The following TENM4 variants were observed in gnomAD, a reference collection of about 807,000 sequenced individuals.
TENM4 encodes teneurin-4.
A neutral mutation model predicts 243.3 loss-of-function variants in TENM4; 82 were observed. That is an observed-to-expected ratio of 0.34 (90% CI 0.28 to 0.40). TENM4 has a LOEUF of 0.40. Among genes scored for constraint, TENM4 ranks in the 10% least tolerant of loss-of-function variants. TENM4 has a pLI of 1.00. For synonymous variants in TENM4, 1,412 were observed against 1,456.3 expected (o/e 0.97, Z 0.69); for missense variants, 3,138 against 3,673.3 (o/e 0.85, Z 3.77).
intron 6 of TENM4, among the ~76,000 whole-genome samples, chr11:79,054,608 C>A (rs1454121773): frequency 6.6e-6 from 1 of 151,842 alleles, no homozygotes; most frequent in Non-Finnish European, 1.5e-5. Context: ...CTACCTCAGT[C>A]TTCTGAGTAT....
In TENM4 at chr11:78,669,854, T is replaced by C. The variant is rs1017258778; in HGVS notation, c.6491A>G (p.Tyr2164Cys). The C allele has an allele frequency of 6.2e-7, 1 of 1,613,826 alleles. No homozygotes were observed. Among genetic ancestry groups the C allele is most frequent in the Admixed American group, 1.7e-5 (1 of 60,004 alleles). The change falls in exon 32 of 34, where the codon TAC becomes TGC. Residue 2164 changes from tyrosine (Y) to cysteine (C), a missense_variant. Tyr to Cys is a radical substitution (Grantham distance 194). Transcript: ENST00000278550. The surrounding 1 kb of genome is among the most constrained non-coding windows in gnomAD (Gnocchi z 6.4). ...VQYEIFRSLMYWMTVQYDNMG... is the reference protein window; with the variant it reads ...VQYEIFRSLMCWMTVQYDNMG... ...GTTATCATACTGGACGGTCATCCAG[T>C]ACATGAGCGAGCGGAAGATCTCATA... is the stretch of plus-strand genomic sequence containing the variant.
At chr11:79,122,213 A>C (rs1251390840) in intron 4 of TENM4, among the ~76,000 whole-genome samples, 2 of 152,172 alleles carry the variant, frequency 1.3e-5, no homozygotes, top group Non-Finnish European at 2.9e-5. Flanking sequence ...ATGTTAATTA[A>C]TAAAAATAAT....
At position 78,738,408 on chromosome 11, in the gene TENM4, G is replaced by C. The variant is rs565566264; in HGVS notation, c.2876+43C>G. The C allele has an allele frequency of 2.1e-4, 341 of 1,593,580 alleles. 6 individuals carry two copies. The South Asian group carries it at 3.8e-3, about 18-fold the overall frequency. Reference sequence around the variant, plus strand: ...CAGCAGCTATATGGCAAGACCACAAGAGCGGGACCTTCACTGTTTCTGGCT... The same window carrying C: ...CAGCAGCTATATGGCAAGACCACAACAGCGGGACCTTCACTGTTTCTGGCT... On this transcript the variant is annotated intron_variant, in intron 20 of 33. Transcript: ENST00000278550.
intron 4 of TENM4, among the ~76,000 whole-genome samples, chr11:79,139,959 C>G (rs893197964): frequency 6.6e-5 from 10 of 150,760 alleles, no homozygotes; most frequent in African/African-American, 2.4e-4. Context: ...TTCCTTATGT[C>G]CGCTTACATC....
At chr11:79,299,006 T>A (rs1276457633) in intron 1 of TENM4, among the ~76,000 whole-genome samples, 2 of 152,178 alleles carry the variant, frequency 1.3e-5, no homozygotes, top group African/African-American at 2.4e-5. Flanking sequence ...TAAAGGAATT[T>A]GTCATTAAAA....
chr11:78,935,077 T>TCTCGGCTCACTG (rs1403838786), intron 6 of TENM4, among the ~76,000 whole-genome samples: 1 of 129,982 alleles, frequency 7.7e-6, no homozygotes, highest in East Asian at 2.7e-4. Context: ...AGTGGCGCAA[T>TCTCGGCTCACTG]CTCGGCTCAC....
At chr11:79,031,266 T>C (rs767658894) in intron 6 of TENM4, among the ~76,000 whole-genome samples, 1 of 152,178 alleles carries the variant, frequency 6.6e-6, no homozygotes, top group Admixed American at 6.5e-5. Context: ...ACAGATAATG[T>C]ATTTGGGGCA....
At chr11:78,825,321 A>G (rs1204564253) in intron 12 of TENM4, among the ~76,000 whole-genome samples, 1 of 152,206 alleles carries the variant, frequency 6.6e-6, no homozygotes, top group Non-Finnish European at 1.5e-5. Flanking sequence ...ACCACCATAT[A>G]TATGCACCTG....
chr11:79,357,294 C>G (rs749827758), intron 1 of TENM4, among the ~76,000 whole-genome samples: 2 of 152,202 alleles, frequency 1.3e-5, no homozygotes, highest in African/African-American at 2.4e-5. Context: ...CCCAAAGATG[C>G]CTGTGTTGCA....
chr11:78,956,298 T>A (rs1363595671), intron 6 of TENM4, among the ~76,000 whole-genome samples: 1 of 150,772 alleles, frequency 6.6e-6, no homozygotes, highest in Non-Finnish European at 1.5e-5. Flanking sequence ...TAGGGAGGAG[T>A]GAGTACAGAA....
chr11:79,005,650 C>A (rs962883013), intron 6 of TENM4, among the ~76,000 whole-genome samples: 1 of 152,060 alleles, frequency 6.6e-6, no homozygotes, highest in Admixed American at 6.6e-5. Flanking sequence ...ACTGAATGGG[C>A]AAAAACTTGA....
chr11:78,926,409 G>C (rs1209365257), intron 6 of TENM4, among the ~76,000 whole-genome samples: 4 of 151,892 alleles, frequency 2.6e-5, no homozygotes, highest in Non-Finnish European at 4.4e-5. Context: ...AAGTAGCTGG[G>C]ATTACAAGTG....
chr11:78,987,378 T>C (rs1857942942), intron 6 of TENM4, among the ~76,000 whole-genome samples: 1 of 152,236 alleles, frequency 6.6e-6, no homozygotes, highest in Admixed American at 6.5e-5. Flanking sequence ...GATTCATTCA[T>C]GTTGAGTGAA....
chr11:78,792,586 C>A (rs978651702), intron 15 of TENM4, among the ~76,000 whole-genome samples: 9 of 152,276 alleles, frequency 5.9e-5, no homozygotes, highest in African/African-American at 2.2e-4. Flanking sequence ...TGGAAGCCCA[C>A]CTGATGGGAA....
chr11:79,154,499 A>G (rs1293684378), intron 3 of TENM4, among the ~76,000 whole-genome samples: 1 of 152,172 alleles, frequency 6.6e-6, no homozygotes. Context: ...CATCCAAACC[A>G]TACCACTCTT....
chr11:79,317,791 A>C (rs1012517192), intron 1 of TENM4, among the ~76,000 whole-genome samples: 3 of 151,930 alleles, frequency 2.0e-5, no homozygotes, highest in African/African-American at 7.3e-5. Context: ...CCTCTTTCCT[A>C]TGGGCTTCTG....
chr11:78,772,434 T>C (rs1415725234), intron 17 of TENM4, among the ~76,000 whole-genome samples: 1 of 152,140 alleles, frequency 6.6e-6, no homozygotes, highest in African/African-American at 2.4e-5. Flanking sequence ...CTGCTCAGTC[T>C]TGGGAGAGGT....
intron 6 of TENM4, chr11:79,064,474 C>T: frequency 2.1e-6 from 1 of 473,944 alleles, no homozygotes; most frequent in African/African-American, 2.0e-5. Flanking sequence ...CCCCTGCACA[C>T]AGGCACCTTA....
At chr11:79,286,636 T>C (rs1180217869) in intron 2 of TENM4, among the ~76,000 whole-genome samples, 3 of 151,970 alleles carry the variant, frequency 2.0e-5, no homozygotes, top group South Asian at 4.2e-4. Flanking sequence ...GCCACGGCAC[T>C]CCAGCCTGGG....
Sources: allele counts gnomAD v4.1 joint callset (sites outside exome capture counted in the v4.1 genomes callset), GRCh38; gene constraint gnomAD v4.1.1; non-coding constraint Gnocchi (gnomAD v3.1); transcripts MANE v1.5; gene names NCBI Gene and HGNC (gene_info 2026-07-23, HGNC 2026-07-21).